Variants in IPCEF1 observed in about 807,000 individuals in gnomAD.
IPCEF1 encodes the protein interactor protein for cytohesin exchange factors 1.
A neutral mutation model predicts 50.9 loss-of-function variants in IPCEF1; 31 were observed. The observed-to-expected ratio is 0.61, with a 90% CI of 0.46 to 0.82. IPCEF1 has a LOEUF of 0.82. Ranked by LOEUF, IPCEF1 falls within the 40% of genes least tolerant of loss-of-function variation. The probability of loss-of-function intolerance (pLI) is 0.00; values close to 1 mark genes in which losing one functional copy is unlikely to be tolerated. For missense variants in IPCEF1, 458 were observed against 514.0 expected (o/e 0.89, Z 1.05); for synonymous variants, 181 against 192.0 (o/e 0.94, Z 0.47).
At chr6:154,163,999 A>G (rs756564241) in intron 11 of IPCEF1, among the ~76,000 whole-genome samples, 1 of 152,214 alleles carries the variant, frequency 6.6e-6, no homozygotes, top group Non-Finnish European at 1.5e-5. Context: ...CTGAGTTTTC[A>G]ATATCTATGC....
intron 3 of IPCEF1, among the ~76,000 whole-genome samples, chr6:154,256,857 G>T (rs987650629): frequency 5.3e-5 from 8 of 151,972 alleles, no homozygotes; most frequent in African/African-American, 1.9e-4. Context: ...TATTTTCCTG[G>T]GCTAGTAATA....
intron 9 of IPCEF1, among the ~76,000 whole-genome samples, chr6:154,202,020 T>A (rs570132816): frequency 6.6e-6 from 1 of 152,222 alleles, no homozygotes; most frequent in Non-Finnish European, 1.5e-5. Flanking sequence ...TTCAGAACAG[T>A]TGACCTTCTT....
chr6:154,308,234 C>G (rs981550291), intron 1 of IPCEF1, among the ~76,000 whole-genome samples: 1 of 152,208 alleles, frequency 6.6e-6, no homozygotes, highest in East Asian at 1.9e-4. Context: ...CAAACCCCAG[C>G]TTTCCAAGTA....
intron 1 of IPCEF1, among the ~76,000 whole-genome samples, chr6:154,296,623 A>T (rs1222418011): frequency 3.9e-5 from 6 of 152,074 alleles, no homozygotes; most frequent in Non-Finnish European, 8.8e-5. Context: ...AGGTCAGGAG[A>T]TCAAGACCAT....
At chr6:154,246,902 C>G in intron 4 of IPCEF1, 142 bp from the exon 5 acceptor site, 4 of 606,234 alleles carry the variant, frequency 6.6e-6, no homozygotes, top group Non-Finnish European at 8.9e-6. Context: ...AAGATTTATG[C>G]AAAGCCTATG....
chr6:154,159,714 T>C lies in IPCEF1; in HGVS notation c.*114A>G. 1 of 760,220 alleles carries C rather than the reference T, an allele frequency of 1.3e-6. No homozygotes were observed. The highest frequency in any genetic ancestry group is 1.6e-5 in the South Asian group (1 of 61,638). 47.1% of individuals were successfully genotyped at this position (760,220 alleles called of 1,614,324 possible). A position where few individuals can be genotyped will look rare whatever the true frequency, so the allele number is the denominator to read the frequency against. On this transcript the variant is annotated 3_prime_UTR_variant, in exon 12 of 12. Coordinates refer to ENST00000367220, the MANE Select transcript of IPCEF1 (RefSeq NM_001130700.2). ...TAACGTGCATCTTTAGATGGGAAGCTGATGCTTGAAGGACTGGGTTTCAGT... is the reference window on the plus strand; with the variant it reads ...TAACGTGCATCTTTAGATGGGAAGCCGATGCTTGAAGGACTGGGTTTCAGT...
intron 5 of IPCEF1, among the ~76,000 whole-genome samples, chr6:154,225,643 G>A (rs755068157): frequency 2.0e-5 from 3 of 152,298 alleles, no homozygotes; most frequent in South Asian, 2.1e-4. Flanking sequence ...CTTTTGGGGT[G>A]ATGAAAATGT....
intron 2 of IPCEF1, among the ~76,000 whole-genome samples, chr6:154,268,873 C>T (rs1304444929): frequency 6.6e-6 from 1 of 152,086 alleles, no homozygotes; most frequent in Non-Finnish European, 1.5e-5. Context: ...AACTCTCTGA[C>T]AGAAGGTCAC....
intron 10 of IPCEF1, among the ~76,000 whole-genome samples, chr6:154,192,512 G>C (rs999384782): frequency 1.6e-4 from 25 of 152,042 alleles, no homozygotes; most frequent in African/African-American, 5.8e-4. Flanking sequence ...CCAAACATTT[G>C]AACTTAATTA....
In IPCEF1 at chr6:154,247,456, T is replaced by G; in HGVS notation, c.69A>C (p.Lys23Asn). The change falls in exon 4 of 12, where the codon AAA becomes AAC. Residue 23 changes from lysine (K) to asparagine (N), a missense_variant. Transcript: ENST00000367220. The part of the protein sequence containing the change: ...QVPLRQKPRR[K>N]TQGFLTMSRR... Reference sequence around the variant, plus strand: ...CAAAAGAGATCTAATTACCTTGAGTTTTCCTCCTGGGCTTCTGACGCAAGG... The same window carrying G: ...CAAAAGAGATCTAATTACCTTGAGTGTTCCTCCTGGGCTTCTGACGCAAGG... 1 of 1,612,460 alleles carries G rather than the reference T, an allele frequency of 6.2e-7. No homozygotes were observed. Among genetic ancestry groups the G allele is most frequent in the Non-Finnish European group, 8.5e-7 (1 of 1,178,744 alleles).
chr6:154,305,036 C>G (rs534588822), intron 1 of IPCEF1, among the ~76,000 whole-genome samples: 2 of 152,012 alleles, frequency 1.3e-5, no homozygotes, highest in Non-Finnish European at 2.9e-5. Context: ...ATCGCTTGAG[C>G]CCAGGAGGCG....
intron 10 of IPCEF1, among the ~76,000 whole-genome samples, chr6:154,194,369 A>G (rs1261312627): frequency 6.6e-6 from 1 of 152,162 alleles, no homozygotes; most frequent in Non-Finnish European, 1.5e-5. Flanking sequence ...ATTGCACTCC[A>G]GCATGGGCAA....
chr6:154,309,568 G>A (rs1312153140), intron 1 of IPCEF1, among the ~76,000 whole-genome samples: 1 of 151,976 alleles, frequency 6.6e-6, no homozygotes, highest in Non-Finnish European at 1.5e-5. Context: ...ATTATGCTGG[G>A]GAGGTGCCGC....
intron 3 of IPCEF1, among the ~76,000 whole-genome samples, chr6:154,259,279 T>C (rs1554299537): frequency 6.6e-6 from 1 of 152,206 alleles, no homozygotes; most frequent in Non-Finnish European, 1.5e-5. Context: ...AAAAGACTAT[T>C]TCCTTAAAAA....
intron 2 of IPCEF1, among the ~76,000 whole-genome samples, chr6:154,280,039 T>C (rs1221536954): frequency 4.6e-5 from 7 of 152,226 alleles, no homozygotes; most frequent in Non-Finnish European, 1.0e-4. Flanking sequence ...AGTGTAATTT[T>C]AGAAGACTGA....
chr6:154,162,738 T>C (rs1365184874), intron 11 of IPCEF1, among the ~76,000 whole-genome samples: 1 of 152,140 alleles, frequency 6.6e-6, no homozygotes, highest in Non-Finnish European at 1.5e-5. Context: ...ACAAGAAATC[T>C]CTCCCACTCT....
chr6:154,288,829 C>G (rs773429663), intron 2 of IPCEF1, among the ~76,000 whole-genome samples: 1 of 151,936 alleles, frequency 6.6e-6, no homozygotes, highest in Non-Finnish European at 1.5e-5. Flanking sequence ...TTTGGGAGGC[C>G]GAGGCAAGAA....
At chr6:154,267,745 A>G (rs929919407) in intron 2 of IPCEF1, among the ~76,000 whole-genome samples, 4 of 151,884 alleles carry the variant, frequency 2.6e-5, no homozygotes, top group Non-Finnish European at 5.9e-5. Flanking sequence ...CTCTGCAGGC[A>G]GGTTAGCCAG....
intron 10 of IPCEF1, among the ~76,000 whole-genome samples, chr6:154,170,494 TA>T (rs1799788498): frequency 6.6e-6 from 1 of 152,190 alleles, no homozygotes; most frequent in Non-Finnish European, 1.5e-5. Context: ...TACTCTTTCA[TA>T]AAACAGAAAG....
Sources: gnomAD v4.1 joint callset for allele counts (sites outside exome capture counted in the v4.1 genomes callset) on GRCh38, gnomAD v4.1.1 for gene constraint, MANE v1.5 for transcripts, NCBI Gene and HGNC (gene_info 2026-07-23, HGNC 2026-07-21) for gene names.